SLC35F3: variants seen among roughly 807,000 people sequenced by gnomAD.
SLC35F3 encodes putative thiamine transporter SLC35F3.
In SLC35F3, 25 loss-of-function variants were observed where a neutral mutation model predicts 49.9. That is an observed-to-expected ratio of 0.50 (90% confidence interval 0.37 to 0.70). SLC35F3 has a LOEUF of 0.70. SLC35F3 is among the 30% of genes least tolerant of loss of function. The pLI is 0.00. For synonymous variants in SLC35F3, 275 were observed against 265.4 expected, an observed-to-expected ratio of 1.04 and a Z score of -0.35; for missense variants, 525 against 639.8, an observed-to-expected ratio of 0.82 and a Z score of 1.94.
intron 2 of SLC35F3, among the ~76,000 whole-genome samples, chr1:234,075,101 C>G (rs556972990): frequency 6.6e-6 from 1 of 152,232 alleles, no homozygotes; most frequent in East Asian, 1.9e-4. Context: ...TGAGAGAGTA[C>G]TAACAATGTG....
chr1:234,316,802 C>T, intron 5 of SLC35F3, 75 bp downstream of exon 5: 1 of 1,524,192 alleles, frequency 6.6e-7, no homozygotes, highest in Non-Finnish European at 8.9e-7. Context: ...GATCGCTTGT[C>T]CTTTACTTTT....
chr1:233,993,458 T>C (rs954447206), intron 2 of SLC35F3, among the ~76,000 whole-genome samples: 10 of 152,220 alleles, frequency 6.6e-5, no homozygotes, highest in African/African-American at 2.2e-4. Flanking sequence ...TTCTTTATGA[T>C]AGATTCATCA....
chr1:234,037,967 TTTA>T (rs1306373551), intron 2 of SLC35F3, among the ~76,000 whole-genome samples: 1 of 152,122 alleles, frequency 6.6e-6, no homozygotes, highest in Non-Finnish European at 1.5e-5. Flanking sequence ...TCTTTTCTTT[TTTA>T]TTATTATTAT....
intron 7 of SLC35F3, among the ~76,000 whole-genome samples, chr1:234,321,960 C>T (rs929185654): frequency 2.0e-5 from 3 of 151,988 alleles, no homozygotes. Context: ...GTGGGAGGAT[C>T]GCTTGAGCCC....
Position 234,168,051 on chromosome 1 carries a change from G to A in SLC35F3, c.284-63366G>A, listed in dbSNP as rs112905814. Reference sequence around the variant, plus strand: ...TGTGTGTCTGTATGCAGATGAACTCGTATGTACAAAAACAAATGATAGGCC... The same window carrying A: ...TGTGTGTCTGTATGCAGATGAACTCATATGTACAAAAACAAATGATAGGCC... On this transcript the variant is annotated intron_variant, in intron 2 of 7. Coordinates refer to ENST00000366618, the MANE Select transcript of SLC35F3 (RefSeq NM_173508.4). 5.1e-3 allele frequency among the ~76,000 whole-genome samples: 775 copies of A among 152,278 alleles called. 9 individuals are homozygous for A. Among genetic ancestry groups the A allele is most frequent in the African/African-American group, 0.017 (711 of 41,552 alleles).
At chr1:234,298,371 T>C (rs1309801225) in intron 3 of SLC35F3, among the ~76,000 whole-genome samples, 3 of 152,146 alleles carry the variant, frequency 2.0e-5, no homozygotes, top group Admixed American at 6.5e-5. Flanking sequence ...CCAAAGAAGA[T>C]GGTAAGCCAA....
chr1:234,146,853 T>A (rs1389502647), intron 2 of SLC35F3, among the ~76,000 whole-genome samples: 1 of 152,146 alleles, frequency 6.6e-6, no homozygotes, highest in Non-Finnish European at 1.5e-5. Flanking sequence ...TCAATATGAT[T>A]TTTCTGCTCT....
intron 2 of SLC35F3, among the ~76,000 whole-genome samples, chr1:234,193,627 C>A (rs1426158696): frequency 6.6e-6 from 1 of 152,270 alleles, no homozygotes; most frequent in East Asian, 1.9e-4. Context: ...TTCTGCACAG[C>A]AAAAGGAAGA....
chr1:234,219,055 C>CAAAA (rs60342594), intron 2 of SLC35F3, among the ~76,000 whole-genome samples: 2,916 of 54,412 alleles, frequency 0.054, 234 homozygotes, highest in African/African-American at 0.072. Context: ...GACTCCATCT[C>CAAAA]AAAAAAAAAA....
rs532664266 is a variant in SLC35F3 at position 234,304,492 on chromosome 1, A to G, written c.609-4609A>G. Among the ~76,000 whole-genome samples the G allele has an allele frequency of 3.3e-5, 5 of 152,238 alleles. No individual in the cohort carries two copies. The South Asian group carries it at 6.2e-4, about 19-fold the overall frequency. ...CAAGATTATATCCTTTTTAATAACC[A>G]TTTGTTCTTGTTTCATAGATACAAT... On this transcript the variant is annotated intron_variant, in intron 3 of 7. Transcript: ENST00000366618.
At chr1:234,292,764 A>C (rs1025559784) in intron 3 of SLC35F3, among the ~76,000 whole-genome samples, 2 of 152,194 alleles carry the variant, frequency 1.3e-5, no homozygotes, top group African/African-American at 4.8e-5. Context: ...ACAGAGAGGA[A>C]GCATAGTGCA....
rs1352256091 is a variant in SLC35F3, at chr1:234,143,288, C to CTTTTTTT, written c.284-88118_284-88112dup. ...GAGTTTGACTCTTTTCTTTTCTTTT[C>CTTTTTTT]TTTTTTTTTTTTTTTTTGAGATAAA... On this transcript the variant is annotated intron_variant, in intron 2 of 7. Coordinates refer to ENST00000366618, the MANE Select transcript of SLC35F3 (RefSeq NM_173508.4). Among the ~76,000 whole-genome samples, 305 of 123,470 alleles carry CTTTTTTT rather than the reference C, an allele frequency of 2.5e-3. 5 individuals are homozygous for CTTTTTTT. The highest frequency in any genetic ancestry group is 9.1e-3 in the African/African-American group (257 of 28,162). 81.0% of individuals were successfully genotyped at this position (123,470 alleles called of 152,430 possible).
chr1:234,259,468 G>A (rs544000000), intron 3 of SLC35F3, among the ~76,000 whole-genome samples: 1 of 152,194 alleles, frequency 6.6e-6, no homozygotes, highest in South Asian at 2.1e-4. Context: ...TGCAGCCTGA[G>A]GGGTCCTCCA....
At chr1:233,953,553 C>T (rs1432264852) in intron 2 of SLC35F3, among the ~76,000 whole-genome samples, 1 of 152,202 alleles carries the variant, frequency 6.6e-6, no homozygotes, top group Non-Finnish European at 1.5e-5. Flanking sequence ...TCTTTGTCAA[C>T]TCTCCGTCAT....
At position 233,905,642 on chromosome 1, in the gene SLC35F3, GGTCGCGCTCC is replaced by G; in HGVS notation, c.170_179del (p.Ser57TrpfsTer99). ...GAGGCGATTAAGGAGGATCTGAAATGGTCGCGCTCCGTGGAGGATCTCACCAGCGGGCCGG... is the reference window on the plus strand; with the variant it reads ...GAGGCGATTAAGGAGGATCTGAAATGGTGGAGGATCTCACCAGCGGGCCGG... On this transcript the variant is annotated frameshift_variant, in exon 2 of 8. Coordinates refer to ENST00000366618, the MANE Select transcript of SLC35F3 (RefSeq NM_173508.4). LOFTEE classifies it high-confidence loss of function. 6.2e-7 allele frequency: 1 copy of G among 1,614,198 alleles called. No homozygotes were observed. Among genetic ancestry groups the G allele is most frequent in the Non-Finnish European group, 8.5e-7 (1 of 1,180,042 alleles).
intron 2 of SLC35F3, among the ~76,000 whole-genome samples, chr1:234,041,753 T>C (rs1237782602): frequency 6.6e-6 from 1 of 152,206 alleles, no homozygotes; most frequent in Non-Finnish European, 1.5e-5. Flanking sequence ...ACACCTGTGA[T>C]TTTTACGGAG....
chr1:234,290,669 G>A (rs965140382), intron 3 of SLC35F3, among the ~76,000 whole-genome samples: 1 of 152,184 alleles, frequency 6.6e-6, no homozygotes, highest in African/African-American at 2.4e-5. Context: ...GACTGCAAGG[G>A]CACTCATCAG....
intron 2 of SLC35F3, among the ~76,000 whole-genome samples, chr1:234,164,909 A>T (rs1666290717): frequency 6.6e-6 from 1 of 152,154 alleles, no homozygotes; most frequent in East Asian, 1.9e-4. Context: ...GTCTGTAAAC[A>T]GACAAGTGTT....
intron 2 of SLC35F3, among the ~76,000 whole-genome samples, chr1:234,092,358 G>C (rs1181963981): frequency 6.6e-6 from 1 of 152,116 alleles, no homozygotes; most frequent in Non-Finnish European, 1.5e-5. Flanking sequence ...TCCCTCAGGA[G>C]TTCTCTTAGA....
Sources: gnomAD v4.1 joint callset for allele counts (sites outside exome capture counted in the v4.1 genomes callset) on GRCh38, gnomAD v4.1.1 for gene constraint, MANE v1.5 for transcripts, NCBI Gene and HGNC (gene_info 2026-07-23, HGNC 2026-07-21) for gene names.